Variants in DAB1 observed in about 807,000 individuals in gnomAD.
DAB1 encodes DAB adaptor protein 1.
DAB1 carries 15 observed loss-of-function variants against 64.6 expected under a neutral mutation model. The ratio of observed to expected loss-of-function variants is 0.23; its 90% CI spans 0.16 to 0.36. DAB1 has a LOEUF of 0.36. Ranked by LOEUF, DAB1 falls within the 10% of genes least tolerant of loss-of-function variation. The pLI is 1.00. For synonymous variants in DAB1, 235 were observed against 251.9 expected (o/e 0.93, Z 0.64); for missense variants, 596 against 706.7 (o/e 0.84, Z 1.78).
intron 4 of DAB1, among the ~76,000 whole-genome samples, chr1:58,242,788 G>C (rs1660356441): frequency 6.6e-6 from 1 of 152,044 alleles, no homozygotes; most frequent in African/African-American, 2.4e-5. Context: ...GTTGAAGACA[G>C]AGGAAGTGCC....
intron 4 of DAB1, among the ~76,000 whole-genome samples, chr1:58,172,578 C>T (rs1349015345): frequency 2.0e-5 from 3 of 152,162 alleles, no homozygotes; most frequent in Admixed American, 6.5e-5. Flanking sequence ...GATGGGGAAC[C>T]AATTGAGCAT....
intron 3 of DAB1, among the ~76,000 whole-genome samples, chr1:58,448,187 CA>C (rs1023591491): frequency 3.9e-5 from 6 of 152,180 alleles, no homozygotes; most frequent in African/African-American, 1.4e-4. Flanking sequence ...AATTTCAACA[CA>C]TGCACATACT....
chr1:57,742,141 A>C (rs1648029771), intron 6 of DAB1, among the ~76,000 whole-genome samples: 1 of 152,122 alleles, frequency 6.6e-6, no homozygotes, highest in Admixed American at 6.6e-5. Flanking sequence ...CTTGGAATAC[A>C]AGGATTTTTT....
chr1:57,004,180 T>C (rs923516446), intron 14 of DAB1, among the ~76,000 whole-genome samples: 4 of 152,184 alleles, frequency 2.6e-5, no homozygotes, highest in African/African-American at 7.2e-5. Flanking sequence ...CAGCTCAGGG[T>C]TCAGACTCCC....
At chr1:58,118,200 C>T (rs570224872) in intron 5 of DAB1, among the ~76,000 whole-genome samples, 13 of 151,300 alleles carry the variant, frequency 8.6e-5, no homozygotes, top group African/African-American at 2.9e-4. Flanking sequence ...AGTGGGCCAC[C>T]GCACCCGGTC....
chr1:58,247,855 T>C (rs1660622058), intron 4 of DAB1, among the ~76,000 whole-genome samples: 1 of 150,484 alleles, frequency 6.6e-6, no homozygotes, highest in Admixed American at 6.6e-5. Flanking sequence ...CTGGTTGTAT[T>C]TGAAGACTTA....
At chr1:58,346,366 C>T (rs1198413382) in intron 3 of DAB1, among the ~76,000 whole-genome samples, 1 of 152,146 alleles carries the variant, frequency 6.6e-6, no homozygotes, top group Non-Finnish European at 1.5e-5. Flanking sequence ...TGTGCCGGTG[C>T]TCGTTATTTC....
chr1:58,089,825 T>G (rs1257320495), intron 5 of DAB1, among the ~76,000 whole-genome samples: 1 of 152,226 alleles, frequency 6.6e-6, no homozygotes, highest in Non-Finnish European at 1.5e-5. Flanking sequence ...GGCACTGTTT[T>G]CGTGAAAACT....
intron 2 of DAB1, among the ~76,000 whole-genome samples, chr1:57,184,385 T>C (rs1307127902): frequency 6.6e-6 from 1 of 152,144 alleles, no homozygotes; most frequent in Non-Finnish European, 1.5e-5. Flanking sequence ...TCAGATTCAT[T>C]CTTCTCCCCT....
At chr1:57,108,728 C>T (rs779020807) in intron 4 of DAB1, among the ~76,000 whole-genome samples, 8 of 152,150 alleles carry the variant, frequency 5.3e-5, no homozygotes, top group Non-Finnish European at 1.2e-4. Flanking sequence ...CTTGGCTTCA[C>T]CAGCTGCTAG....
intron 5 of DAB1, among the ~76,000 whole-genome samples, chr1:58,093,130 C>T (rs1196082938): frequency 6.6e-6 from 1 of 152,154 alleles, no homozygotes; most frequent in Non-Finnish European, 1.5e-5. Flanking sequence ...GACTGATGAA[C>T]TATACTCGTC....
At chr1:57,098,731 G>A (rs772172407) in intron 4 of DAB1, among the ~76,000 whole-genome samples, 1 of 152,098 alleles carries the variant, frequency 6.6e-6, no homozygotes. Flanking sequence ...GGCCCATTTC[G>A]ATAACCAAAA....
chr1:57,768,433 A>G (rs993601399), intron 6 of DAB1, among the ~76,000 whole-genome samples: 6 of 151,792 alleles, frequency 4.0e-5, no homozygotes, highest in Admixed American at 3.9e-4. Context: ...TTGTTATTAT[A>G]CTAAGGATAT....
chr1:58,180,294 T>C (rs544359427), intron 4 of DAB1, among the ~76,000 whole-genome samples: 58 of 118,198 alleles, frequency 4.9e-4, no homozygotes, highest in Admixed American at 6.4e-4. Context: ...TTTTTTTTTT[T>C]TTTTTTTTTT....
chr1:58,324,456 T>C (rs991097735), intron 4 of DAB1, among the ~76,000 whole-genome samples: 2 of 152,182 alleles, frequency 1.3e-5, no homozygotes, highest in Middle Eastern at 3.2e-3. Flanking sequence ...TCCCAGTTGC[T>C]CTTGAGAAGA....
chr1:57,752,994 G>A (rs535032660), intron 6 of DAB1, among the ~76,000 whole-genome samples: 1 of 152,290 alleles, frequency 6.6e-6, no homozygotes, highest in African/African-American at 2.4e-5. Flanking sequence ...CAAGCAAAAG[G>A]GTAATTCATG....
chr1:57,149,394 G>T (rs1241409731), intron 2 of DAB1, among the ~76,000 whole-genome samples: 1 of 152,116 alleles, frequency 6.6e-6, no homozygotes, highest in Admixed American at 6.5e-5. Context: ...ACTTTTTGGA[G>T]AACTGTCAAT....
chr1:57,193,008 G>A (rs998632167), intron 2 of DAB1, among the ~76,000 whole-genome samples: 4 of 152,156 alleles, frequency 2.6e-5, no homozygotes, highest in Non-Finnish European at 4.4e-5. Context: ...ATTGTGGAAT[G>A]GCTAAATCAA....
intron 4 of DAB1, among the ~76,000 whole-genome samples, chr1:57,117,677 G>A (rs1343477360): frequency 6.6e-6 from 1 of 152,144 alleles, no homozygotes. Flanking sequence ...AACCTGCCAA[G>A]ACAATGTAGC....
Sources: allele counts gnomAD v4.1 joint callset (sites outside exome capture counted in the v4.1 genomes callset), GRCh38; gene constraint gnomAD v4.1.1; transcripts MANE v1.5; gene names NCBI Gene and HGNC (gene_info 2026-07-23, HGNC 2026-07-21).